Variants in FAM167A observed in about 807,000 individuals in gnomAD.
The protein encoded by FAM167A is family with sequence similarity 167 member A, also known as protein FAM167A.
FAM167A carries 23 observed loss-of-function variants against 14.9 expected under a neutral mutation model. The observed-to-expected ratio is 1.55, with a 90% CI of 1.11 to 2.19. The LOEUF is 2.19. Ranked by LOEUF, FAM167A falls within the 30% of genes most tolerant of loss-of-function variation. The probability of loss-of-function intolerance (pLI) is 0.00; values close to 1 mark genes in which losing one functional copy is unlikely to be tolerated. For missense variants in FAM167A, 401 were observed against 281.5 expected (o/e 1.42, Z -3.04); for synonymous variants, 174 against 117.7 (o/e 1.48, Z -3.10).
rs1266262953 is a variant in FAM167A at position 11,443,468 on chromosome 8, G to A, written c.381+563C>T. On this transcript the variant is annotated intron_variant, in intron 2 of 2. Transcript: ENST00000284486. ...CTTCTCCCCAGGCAGGACCCATCCCGCCGACTCTGGGCAGCTCCACAACTC... is the reference window on the plus strand; with the variant it reads ...CTTCTCCCCAGGCAGGACCCATCCCACCGACTCTGGGCAGCTCCACAACTC... 2.0e-5 allele frequency among the ~76,000 whole-genome samples: 3 copies of A among 152,118 alleles called. No homozygotes were observed. The East Asian group carries it at 5.8e-4, about 29-fold the overall frequency.
intron 1 of FAM167A, among the ~76,000 whole-genome samples, chr8:11,462,377 C>A (rs899858365): frequency 6.6e-6 from 1 of 152,164 alleles, no homozygotes; most frequent in South Asian, 2.1e-4. Flanking sequence ...ATGGATCGTA[C>A]CTCACAGTCT....
chr8:11,455,974 T>G (rs1490253112), intron 1 of FAM167A, among the ~76,000 whole-genome samples: 4 of 121,488 alleles, frequency 3.3e-5, no homozygotes, highest in African/African-American at 1.3e-4. Flanking sequence ...TGAGTGAGTG[T>G]GGGGGGTGGT....
chr8:11,457,070 G>A (rs1308596917), intron 1 of FAM167A, among the ~76,000 whole-genome samples: 1 of 85,648 alleles, frequency 1.2e-5, no homozygotes, highest in Non-Finnish European at 2.5e-5. Flanking sequence ...GGGCTGGGTT[G>A]GGGAAGTGGG....
Position 11,444,054 on chromosome 8 carries a change from T to C in FAM167A, c.358A>G (p.Ile120Val), listed in dbSNP as rs1563375467. The change falls in exon 2 of 3, where the codon ATA becomes GTA. Residue 120 changes from isoleucine (I) to valine (V), a missense_variant. Transcript: ENST00000284486. ...LEGFQSIDEA[I>V]AWLRKELTEM... ...ACCAGTTCCTTCCTGAGCCAGGCTA[T>C]AGCTTCATCGATGCTCTGAAAGCCT... 4 of 1,613,312 alleles carry C rather than the reference T, an allele frequency of 2.5e-6. No homozygotes were observed. The highest frequency in any genetic ancestry group is 1.7e-4 in the Middle Eastern group (1 of 6,060).
chr8:11,461,969 C>T (rs548237313), intron 1 of FAM167A, among the ~76,000 whole-genome samples: 69 of 152,346 alleles, frequency 4.5e-4, no homozygotes, highest in Non-Finnish European at 4.7e-4. Flanking sequence ...TGTTTGGACG[C>T]AGTGGGGTCC....
chr8:11,455,953 T>C (rs1446916197), intron 1 of FAM167A, among the ~76,000 whole-genome samples: 2 of 110,860 alleles, frequency 1.8e-5, no homozygotes, highest in Admixed American at 9.4e-5. Flanking sequence ...TGTGGGGTGG[T>C]TGCCTTGCTG....
rs1585221765 is a variant in FAM167A, at chr8:11,424,462, G to A, written c.556C>T (p.Leu186Phe). The A allele has an allele frequency of 6.2e-7, 1 of 1,614,202 alleles. No homozygotes were observed. Among genetic ancestry groups the A allele is most frequent in the East Asian group, 2.2e-5 (1 of 44,882 alleles). The change falls in exon 3 of 3, where the codon CTT becomes TTT. Residue 186 changes from leucine (L) to phenylalanine (F), a missense_variant. Coordinates refer to ENST00000284486, the MANE Select transcript of FAM167A (RefSeq NM_053279.3). ...ELADLFCDSP[L>F]ASSFSLSTPL... ...GTGGAGAGGCTGAAGGAGGAGGCAA[G>A]AGGGGAGTCACAGAAGAGGTCGGCC...
chr8:11,425,060 T>C (rs1299450533), intron 2 of FAM167A, among the ~76,000 whole-genome samples: 1 of 152,184 alleles, frequency 6.6e-6, no homozygotes, highest in Non-Finnish European at 1.5e-5. Context: ...GCTTTGACTG[T>C]GATGGCCATG....
intron 2 of FAM167A, chr8:11,435,016 T>G (rs773296199): frequency 4.4e-6 from 2 of 456,706 alleles, no homozygotes; most frequent in African/African-American, 2.0e-5. Flanking sequence ...CTGGGCCTCC[T>G]CCCTGCCTGC....
chr8:11,466,192 G>A (rs1807757588), intron 1 of FAM167A, among the ~76,000 whole-genome samples: 1 of 152,078 alleles, frequency 6.6e-6, no homozygotes, highest in Non-Finnish European at 1.5e-5. Context: ...ATTAGTTAGG[G>A]ACCGCATCCG....
chr8:11,470,821 C>T (rs80164880), upstream of FAM167A, among the ~76,000 whole-genome samples: 1,525 of 152,136 alleles, frequency 0.01, 22 homozygotes, highest in African/African-American at 0.035. Flanking sequence ...AGGGACTTGT[C>T]CATCCGTGGG....
At chr8:11,465,058 G>T (rs530241761) in intron 1 of FAM167A, among the ~76,000 whole-genome samples, 4 of 152,144 alleles carry the variant, frequency 2.6e-5, no homozygotes, top group Admixed American at 6.5e-5. Context: ...AACAGGGTGT[G>T]GGGGAGCAAC....
intron 2 of FAM167A, among the ~76,000 whole-genome samples, chr8:11,439,358 C>T (rs1019554196): frequency 7.9e-5 from 12 of 152,256 alleles, no homozygotes; most frequent in African/African-American, 2.7e-4. Flanking sequence ...CACTGCTTAG[C>T]ACACATGGAT....
chr8:11,423,454 C>G lies in FAM167A; in HGVS notation c.*919G>C, dbSNP rs1804903341. 1 of 152,588 alleles carries G rather than the reference C, an allele frequency of 6.6e-6. No homozygotes were observed. The highest frequency in any genetic ancestry group is 1.5e-5 in the Non-Finnish European group (1 of 68,038). 9.5% of individuals were successfully genotyped at this position (152,588 alleles called of 1,614,324 possible). On this transcript the variant is annotated 3_prime_UTR_variant, in exon 3 of 3. Coordinates refer to ENST00000284486, the MANE Select transcript of FAM167A (RefSeq NM_053279.3). ...ATCTCAGAGGAGGCTCAGGATGGGC[C>G]TCTGGGCTCCCTAGATTGTCTTTCC...
At chr8:11,432,656 G>A (rs531493612) in intron 2 of FAM167A, among the ~76,000 whole-genome samples, 66 of 152,310 alleles carry the variant, frequency 4.3e-4, no homozygotes, top group East Asian at 2.1e-3. Flanking sequence ...ACAGTATGGC[G>A]ATTCCTCAAG....
chr8:11,457,334 C>T (rs917533656), intron 1 of FAM167A, among the ~76,000 whole-genome samples: 4 of 151,922 alleles, frequency 2.6e-5, no homozygotes, highest in Admixed American at 6.6e-5. Flanking sequence ...CTTGTGAGAA[C>T]TCGGCAGTCT....
At chr8:11,438,286 C>A in intron 2 of FAM167A, 1 of 401,022 alleles carries the variant, frequency 2.5e-6, no homozygotes, top group Non-Finnish European at 5.0e-6. Flanking sequence ...GGAGAGCAGG[C>A]AGGACCTCCC....
At chr8:11,451,337 C>T (rs1240569134) in intron 1 of FAM167A, among the ~76,000 whole-genome samples, 1 of 152,248 alleles carries the variant, frequency 6.6e-6, no homozygotes, top group African/African-American at 2.4e-5. Context: ...GGGAAGCCAC[C>T]CGCCCTGCCC....
chr8:11,455,290 G>A (rs1178858074), intron 1 of FAM167A, among the ~76,000 whole-genome samples: 1 of 146,988 alleles, frequency 6.8e-6, no homozygotes, highest in Non-Finnish European at 1.5e-5. Context: ...GTGTCTGGGG[G>A]GGGTGGTTAC....
Sources: allele counts gnomAD v4.1 joint callset (sites outside exome capture counted in the v4.1 genomes callset), GRCh38; gene constraint gnomAD v4.1.1; transcripts MANE v1.5; gene names NCBI Gene and HGNC (gene_info 2026-07-23, HGNC 2026-07-21).